Variants in FARS2 observed in about 807,000 individuals in gnomAD.
The protein encoded by FARS2 is phenylalanyl-tRNA synthetase 2, mitochondrial, also known as phenylalanine--tRNA ligase, mitochondrial.
FARS2 carries 40 observed loss-of-function variants against 46.4 expected under a neutral mutation model. The ratio of observed to expected loss-of-function variants is 0.86; its 90% CI spans 0.67 to 1.12. FARS2 has a LOEUF of 1.12. Ranked by LOEUF, FARS2 falls within the 50% of genes most tolerant of loss-of-function variation. The pLI, the probability that FARS2 is intolerant of heterozygous loss-of-function variation, is 0.00. For missense variants in FARS2, 513 were observed against 567.9 expected (o/e 0.90, Z 0.98); for synonymous variants, 234 against 214.9 (o/e 1.09, Z -0.78).
chr6:5,548,170 C>G (rs1771155480), intron 5 of FARS2, among the ~76,000 whole-genome samples: 1 of 152,210 alleles, frequency 6.6e-6, no homozygotes, highest in African/African-American at 2.4e-5. Flanking sequence ...AGACCGGCCC[C>G]TGTGATTCCA....
chr6:5,287,130 T>C (rs1767175719), intron 1 of FARS2, among the ~76,000 whole-genome samples: 1 of 152,246 alleles, frequency 6.6e-6, no homozygotes, highest in Non-Finnish European at 1.5e-5. Context: ...AATTTGGTTT[T>C]GGTGTTGATT....
intron 4 of FARS2, among the ~76,000 whole-genome samples, chr6:5,540,818 C>G (rs1770582840): frequency 6.6e-6 from 1 of 152,138 alleles, no homozygotes; most frequent in Non-Finnish European, 1.5e-5. Flanking sequence ...ATCTCACAGT[C>G]AGAATACTTC....
intron 1 of FARS2, among the ~76,000 whole-genome samples, chr6:5,347,616 C>A (rs1168742034): frequency 6.6e-6 from 1 of 152,080 alleles, no homozygotes; most frequent in Admixed American, 6.6e-5. Context: ...AATAAAGTTG[C>A]AGTGAATATA....
chr6:5,336,120 A>C (rs1771140802), intron 1 of FARS2, among the ~76,000 whole-genome samples: 1 of 152,146 alleles, frequency 6.6e-6, no homozygotes, highest in Non-Finnish European at 1.5e-5. Flanking sequence ...AATCTAGTGG[A>C]ACCATTAATT....
intron 4 of FARS2, among the ~76,000 whole-genome samples, chr6:5,437,617 A>G (rs2127780885): frequency 6.6e-6 from 1 of 151,658 alleles, no homozygotes; most frequent in African/African-American, 2.4e-5. Context: ...ATCTCTGGTA[A>G]TTTTCCTTGG....
chr6:5,722,206 C>G (rs1356153719), intron 6 of FARS2, among the ~76,000 whole-genome samples: 1 of 152,038 alleles, frequency 6.6e-6, no homozygotes, highest in African/African-American at 2.4e-5. Context: ...GCTTTTGCAC[C>G]AAAGATGTAA....
intron 6 of FARS2, among the ~76,000 whole-genome samples, chr6:5,625,756 A>T (rs1419730824): frequency 6.6e-6 from 1 of 152,180 alleles, no homozygotes; most frequent in Non-Finnish European, 1.5e-5. Context: ...ACAGCCTGGG[A>T]TGCGGGACTC....
chr6:5,724,704 C>T (rs1162924785), intron 6 of FARS2, among the ~76,000 whole-genome samples: 3 of 152,186 alleles, frequency 2.0e-5, no homozygotes, highest in Non-Finnish European at 4.4e-5. Context: ...GCTGCACTCA[C>T]CTCCCCTCAG....
chr6:5,402,854 A>G (rs1761342587), intron 2 of FARS2, among the ~76,000 whole-genome samples: 1 of 152,118 alleles, frequency 6.6e-6, no homozygotes, highest in South Asian at 2.1e-4. Context: ...AAGGCTTTTC[A>G]CACTTAGTGT....
intron 1 of FARS2, among the ~76,000 whole-genome samples, chr6:5,286,993 G>C (rs923425671): frequency 4.6e-5 from 7 of 152,234 alleles, no homozygotes; most frequent in Admixed American, 1.3e-4. Context: ...GTGGCCCCAG[G>C]CCTGGCCGCC....
intron 5 of FARS2, among the ~76,000 whole-genome samples, chr6:5,591,047 A>G (rs1253214508): frequency 2.0e-5 from 3 of 152,226 alleles, no homozygotes; most frequent in Admixed American, 6.5e-5. Flanking sequence ...GAAAATAAGT[A>G]TAAGTGCAAC....
In FARS2 at chr6:5,673,556, A is replaced by G. The variant is rs1778593318; in HGVS notation, c.1217+60236A>G. On this transcript the variant is annotated intron_variant, in intron 6 of 6. Coordinates refer to ENST00000274680, the MANE Select transcript of FARS2 (RefSeq NM_006567.5). ...GGAAATTCTATGTTCCCCGTCATTT[A>G]TGCAGACTCCAGCTAAACGTATGCT... is the stretch of plus-strand genomic sequence containing the variant. 3.3e-5 allele frequency among the ~76,000 whole-genome samples: 5 copies of G among 152,292 alleles called. No individual in the cohort carries two copies. The South Asian group carries it at 1.0e-3, about 32-fold the overall frequency.
chr6:5,599,886 CT>C lies in FARS2; in HGVS notation c.1066-13270del, dbSNP rs571022826. 9.1e-3 allele frequency among the ~76,000 whole-genome samples: 1,307 copies of C among 143,418 alleles called. 7 individuals are homozygous for C. The highest frequency in any genetic ancestry group is 0.022 in the African/African-American group (873 of 39,496). 94.1% of individuals were successfully genotyped at this position (143,418 alleles called of 152,430 possible). The stretch of plus-strand genomic sequence containing the variant: ...TAACAAAGATTTCTCAGGCTTGCTT[CT>C]TTTTTTTTTTTTGTGAAAAAGCATT... On this transcript the variant is annotated intron_variant, in intron 5 of 6. Transcript: ENST00000274680.
At chr6:5,748,311 A>G (rs1248859807) in intron 6 of FARS2, among the ~76,000 whole-genome samples, 1 of 152,226 alleles carries the variant, frequency 6.6e-6, no homozygotes. Context: ...AGTGTGTCTC[A>G]GGGACTCATC....
At chr6:5,342,161 A>G (rs532480047) in intron 1 of FARS2, among the ~76,000 whole-genome samples, 10 of 152,346 alleles carry the variant, frequency 6.6e-5, no homozygotes, top group African/African-American at 2.4e-4. Context: ...ACTTTCATGC[A>G]ATCAGCACTT....
chr6:5,320,030 T>A (rs1484295887), intron 1 of FARS2, among the ~76,000 whole-genome samples: 1 of 152,234 alleles, frequency 6.6e-6, no homozygotes, highest in Non-Finnish European at 1.5e-5. Context: ...AGATGTTCTT[T>A]AGAACACACA....
chr6:5,260,531 G>C, upstream of FARS2: 1 of 1,385,132 alleles, frequency 7.2e-7, no homozygotes, highest in Non-Finnish European at 9.7e-7. Context: ...TCCTTGCCTC[G>C]CAGCCGCCGG....
chr6:5,449,250 G>A (rs1183469637), intron 4 of FARS2, among the ~76,000 whole-genome samples: 1 of 151,614 alleles, frequency 6.6e-6, no homozygotes, highest in Non-Finnish European at 1.5e-5. Context: ...TCGGGAGGCT[G>A]AGGCAGGAGA....
chr6:5,534,621 A>T (rs1770071594), intron 4 of FARS2, among the ~76,000 whole-genome samples: 1 of 152,184 alleles, frequency 6.6e-6, no homozygotes, highest in African/African-American at 2.4e-5. Flanking sequence ...ATAATATTCC[A>T]TTGTGTGTAA....
Sources: gnomAD v4.1 joint callset for allele counts (sites outside exome capture counted in the v4.1 genomes callset) on GRCh38, gnomAD v4.1.1 for gene constraint, MANE v1.5 for transcripts, NCBI Gene and HGNC (gene_info 2026-07-23, HGNC 2026-07-21) for gene names.